The following TENM4 variants were observed in gnomAD, a reference collection of about 807,000 sequenced individuals.
The protein encoded by TENM4 is teneurin-4.
Under a neutral mutation model 243.3 loss-of-function variants are expected in TENM4, and 82 were observed. That is an observed-to-expected ratio of 0.34 (90% CI 0.28 to 0.40). TENM4 has a LOEUF of 0.40. Among genes scored for constraint, TENM4 ranks in the 10% least tolerant of loss-of-function variants. The probability of loss-of-function intolerance (pLI) is 1.00; values close to 1 mark genes in which losing one functional copy is unlikely to be tolerated. For missense variants in TENM4, 3,138 were observed against 3,673.3 expected, an observed-to-expected ratio of 0.85 and a Z score of 3.77; for synonymous variants, 1,412 against 1,456.3, an observed-to-expected ratio of 0.97 and a Z score of 0.69.
At chr11:78,980,520 G>A (rs1041124194) in intron 6 of TENM4, among the ~76,000 whole-genome samples, 1 of 152,198 alleles carries the variant, frequency 6.6e-6, no homozygotes, top group Non-Finnish European at 1.5e-5. Context: ...AGGCCTGGAA[G>A]GTGACAGAAT....
intron 6 of TENM4, among the ~76,000 whole-genome samples, chr11:79,007,560 G>A (rs1375682406): frequency 1.3e-5 from 2 of 152,124 alleles, no homozygotes; most frequent in East Asian, 3.9e-4. Flanking sequence ...TCTGGTCGTT[G>A]CTAAGAGGCT....
At chr11:79,222,531 T>G (rs2135242021) in intron 2 of TENM4, among the ~76,000 whole-genome samples, 1 of 152,298 alleles carries the variant, frequency 6.6e-6, no homozygotes, top group South Asian at 2.1e-4. Context: ...CAGTAATGGG[T>G]TTGTTGGGTC....
intron 12 of TENM4, among the ~76,000 whole-genome samples, chr11:78,850,422 G>A (rs879658557): frequency 1.3e-5 from 2 of 152,110 alleles, no homozygotes; most frequent in Non-Finnish European, 2.9e-5. Context: ...AAGCAAACCC[G>A]AGAGTTACAA....
intron 5 of TENM4, among the ~76,000 whole-genome samples, chr11:79,066,105 C>T (rs1044543222): frequency 1.3e-5 from 2 of 152,170 alleles, no homozygotes; most frequent in Non-Finnish European, 2.9e-5. Context: ...GGATACAGTG[C>T]CCAACTTTAC....
Position 78,729,463 on chromosome 11 carries a change from C to G in TENM4, c.3319G>C (p.Ala1107Pro). 6.2e-7 allele frequency: 1 copy of G among 1,610,798 alleles called. No individual in the cohort carries two copies. The highest frequency in any genetic ancestry group is 8.5e-7 in the Non-Finnish European group (1 of 1,178,300). The change falls in exon 22 of 34, where the codon GCT becomes CCT. Residue 1107 changes from alanine to proline, a missense_variant. This residue lies in a region of TENM4 where 2,467 missense variants were observed against 3,059.1 expected (regional missense o/e 0.81). Coordinates refer to ENST00000278550, the MANE Select transcript of TENM4 (RefSeq NM_001098816.3). ...TAATAGGACAGGTCTGGGGCTGCAG[C>G]GAACCACTTCCTGAAGAGGCGGCCC... The part of the protein sequence containing the change: ...VEGRLFRKWF[A>P]AAPDLSYYFI...
intron 4 of TENM4, among the ~76,000 whole-genome samples, chr11:79,101,089 G>C (rs974511614): frequency 1.3e-5 from 2 of 152,326 alleles, no homozygotes; most frequent in African/African-American, 4.8e-5. Flanking sequence ...GGGAAGAGGG[G>C]AGGGTATTGG....
At chr11:79,365,142 T>C (rs574535601) in intron 1 of TENM4, among the ~76,000 whole-genome samples, 22 of 152,350 alleles carry the variant, frequency 1.4e-4, no homozygotes, top group African/African-American at 4.8e-4. Flanking sequence ...GTTTTCCAAC[T>C]CCTGGCACTA....
intron 1 of TENM4, among the ~76,000 whole-genome samples, chr11:79,298,388 G>A (rs896241595): frequency 2.0e-5 from 3 of 151,176 alleles, no homozygotes; most frequent in African/African-American, 7.3e-5. Flanking sequence ...GGTGGCGGGC[G>A]CCTGTAGTCC....
At chr11:78,733,987 G>A (rs746078166) in intron 20 of TENM4, among the ~76,000 whole-genome samples, 2 of 152,106 alleles carry the variant, frequency 1.3e-5, no homozygotes, top group Non-Finnish European at 2.9e-5. Flanking sequence ...TCAGGAGTTC[G>A]AGACCAGCCT....
chr11:78,965,150 G>A (rs180912308), intron 6 of TENM4, among the ~76,000 whole-genome samples: 2 of 152,184 alleles, frequency 1.3e-5, no homozygotes, highest in Non-Finnish European at 2.9e-5. Context: ...TTACAGGGGT[G>A]AGCCACCACG....
At chr11:78,839,580 T>C (rs1858203583) in intron 12 of TENM4, among the ~76,000 whole-genome samples, 1 of 152,182 alleles carries the variant, frequency 6.6e-6, no homozygotes, top group African/African-American at 2.4e-5. Context: ...AAACACACCC[T>C]TCACAAATAA....
At chr11:79,391,752 A>G (rs1230387222) in intron 1 of TENM4, among the ~76,000 whole-genome samples, 3 of 152,218 alleles carry the variant, frequency 2.0e-5, no homozygotes, top group Non-Finnish European at 4.4e-5. Flanking sequence ...GTATCACATA[A>G]TATACAGTAT....
intron 24 of TENM4, among the ~76,000 whole-genome samples, chr11:78,721,508 G>C (rs941636226): frequency 6.6e-6 from 1 of 152,200 alleles, no homozygotes; most frequent in African/African-American, 2.4e-5. Flanking sequence ...AGGTGACAAG[G>C]CTTTGGCGAG....
At chr11:78,692,229 T>C (rs2135734733) in intron 28 of TENM4, among the ~76,000 whole-genome samples, 1 of 152,274 alleles carries the variant, frequency 6.6e-6, no homozygotes. Flanking sequence ...CCAAGAGGAA[T>C]GAAATGAATA....
At chr11:78,754,878 G>C (rs968129089) in intron 19 of TENM4, among the ~76,000 whole-genome samples, 2 of 152,230 alleles carry the variant, frequency 1.3e-5, no homozygotes, top group African/African-American at 4.8e-5. Flanking sequence ...GAAAGGTGGA[G>C]GTTTGAATTC....
At chr11:79,431,835 T>G (rs955542451) in intron 1 of TENM4, among the ~76,000 whole-genome samples, 1 of 152,204 alleles carries the variant, frequency 6.6e-6, no homozygotes, top group Non-Finnish European at 1.5e-5. Flanking sequence ...AACCACAACT[T>G]GAATTACTCA....
chr11:79,055,305 G>A (rs1256496803), intron 6 of TENM4, among the ~76,000 whole-genome samples: 1 of 152,038 alleles, frequency 6.6e-6, no homozygotes, highest in Non-Finnish European at 1.5e-5. Context: ...GCGGTGGCAT[G>A]ATCTTGGCTC....
intron 4 of TENM4, among the ~76,000 whole-genome samples, chr11:79,103,951 A>G (rs964854263): frequency 1.3e-5 from 2 of 152,228 alleles, no homozygotes; most frequent in African/African-American, 4.8e-5. Flanking sequence ...TAGAAATAAT[A>G]CGTTGTAATG....
At chr11:78,883,599 C>T (rs1054867921) in intron 9 of TENM4, among the ~76,000 whole-genome samples, 3 of 152,238 alleles carry the variant, frequency 2.0e-5, no homozygotes, top group Non-Finnish European at 4.4e-5. Flanking sequence ...CCTTTTTCGT[C>T]TCCTATTCCA....
Sources: allele counts gnomAD v4.1 joint callset (sites outside exome capture counted in the v4.1 genomes callset), GRCh38; gene constraint gnomAD v4.1.1; regional missense constraint gnomAD v4.1.1; transcripts MANE v1.5; gene names NCBI Gene and HGNC (gene_info 2026-07-23, HGNC 2026-07-21).